Variants in CSNK2A2IP observed in about 807,000 individuals in gnomAD.
CSNK2A2IP encodes the protein casein kinase II subunit alpha'-interacting protein.
At chr3:88,462,964 T>C in the CSNK2A2IP span, among the ~76,000 whole-genome samples, 1 of 152,150 alleles carries the variant, frequency 6.6e-6, no homozygotes, top group African/African-American at 2.4e-5. Flanking sequence ...GATGTAAGGC[T>C]TGAAAAACAA....
chr3:88,356,138 G>A, the CSNK2A2IP span, among the ~76,000 whole-genome samples: 1 of 151,896 alleles, frequency 6.6e-6, no homozygotes, highest in African/African-American at 2.4e-5. Flanking sequence ...TATACAATAA[G>A]TTATTGTTTA....
the CSNK2A2IP span, among the ~76,000 whole-genome samples, chr3:88,437,026 G>A: frequency 6.6e-6 from 1 of 152,006 alleles, no homozygotes; most frequent in Admixed American, 6.6e-5. Flanking sequence ...ATAAAGTCCA[G>A]TATGCTTGAA....
the CSNK2A2IP span, among the ~76,000 whole-genome samples, chr3:88,445,518 C>A: frequency 1.3e-5 from 2 of 152,052 alleles, no homozygotes; most frequent in African/African-American, 4.8e-5. Context: ...GGGGCAAATG[C>A]ATTTGCAGAT....
the CSNK2A2IP span, among the ~76,000 whole-genome samples, chr3:88,464,856 T>A: frequency 6.6e-6 from 1 of 152,330 alleles, no homozygotes; most frequent in Non-Finnish European, 1.5e-5. Flanking sequence ...GTTTGTTTAT[T>A]CTTTAGCCCA....
At chr3:88,418,463 T>TGTGTGTGTGTGTGTGTGCGCGCGC in the CSNK2A2IP span, among the ~76,000 whole-genome samples, 37 of 149,632 alleles carry the variant, frequency 2.5e-4, no homozygotes, top group African/African-American at 7.4e-4. Context: ...TGTGTGTGTG[T>TGTGTGTGTGTGTGTGTGCGCGCGC]GCGCGCGGGC....
chr3:88,354,986 GA>G, the CSNK2A2IP span, among the ~76,000 whole-genome samples: 1 of 152,080 alleles, frequency 6.6e-6, no homozygotes, highest in Non-Finnish European at 1.5e-5. Context: ...GGAAAAGAAA[GA>G]TAGGAACCAA....
chr3:88,382,006 T>C, the CSNK2A2IP span, among the ~76,000 whole-genome samples: 3 of 152,208 alleles, frequency 2.0e-5, no homozygotes, highest in Admixed American at 1.3e-4. Context: ...TTCTACTCAT[T>C]CCAAGGAAAG....
At chr3:88,394,609 G>A in the CSNK2A2IP span, among the ~76,000 whole-genome samples, 1 of 152,104 alleles carries the variant, frequency 6.6e-6, no homozygotes, top group East Asian at 1.9e-4. Flanking sequence ...CTTGACCTTA[G>A]GTGATCCACC....
chr3:88,437,741 G>C, the CSNK2A2IP span, among the ~76,000 whole-genome samples: 1 of 152,096 alleles, frequency 6.6e-6, no homozygotes, highest in Non-Finnish European at 1.5e-5. Context: ...GTTAAAAACA[G>C]GTGTTTTATT....
the CSNK2A2IP span, among the ~76,000 whole-genome samples, chr3:88,381,575 T>C: frequency 2.0e-5 from 3 of 152,208 alleles, no homozygotes; most frequent in African/African-American, 7.2e-5. Flanking sequence ...TGCTGTTATG[T>C]GGGAAACAGC....
chr3:88,383,600 G>A, the CSNK2A2IP span, among the ~76,000 whole-genome samples: 1 of 150,958 alleles, frequency 6.6e-6, no homozygotes, highest in African/African-American at 2.4e-5. Flanking sequence ...GCTAGATCCT[G>A]GGAATTATTC....
chr3:88,352,570 G>GATTA, the CSNK2A2IP span, among the ~76,000 whole-genome samples: 1 of 151,772 alleles, frequency 6.6e-6, no homozygotes, highest in Non-Finnish European at 1.5e-5. Context: ...TAATTTTATA[G>GATTA]ATTAATTAAT....
At chr3:88,369,296 A>G in the CSNK2A2IP span, among the ~76,000 whole-genome samples, 1 of 151,952 alleles carries the variant, frequency 6.6e-6, no homozygotes, top group Non-Finnish European at 1.5e-5. Flanking sequence ...AAGGAAAAAT[A>G]AATTTTTGGA....
the CSNK2A2IP span, among the ~76,000 whole-genome samples, chr3:88,417,706 T>C: frequency 6.6e-6 from 1 of 152,232 alleles, no homozygotes; most frequent in Non-Finnish European, 1.5e-5. Context: ...TTTGCTTCTA[T>C]TTACTGTCAA....
At chr3:88,348,482 G>A in the CSNK2A2IP span, among the ~76,000 whole-genome samples, 1 of 151,904 alleles carries the variant, frequency 6.6e-6, no homozygotes, top group African/African-American at 2.4e-5. Context: ...AGACACTATA[G>A]AAAATATATA....
At chr3:88,446,098 CTTTTTTTCTTTCTTTCTTTTT>C in the CSNK2A2IP span, among the ~76,000 whole-genome samples, 1 of 74,308 alleles carries the variant, frequency 1.3e-5, no homozygotes. Context: ...TTCTTTCTTT[CTTTTTTTCTTTCTTTCTTTTT>C]TTTCTTTCTT....
At chr3:88,427,630 C>T in the CSNK2A2IP span, among the ~76,000 whole-genome samples, 5 of 152,132 alleles carry the variant, frequency 3.3e-5, no homozygotes, top group Non-Finnish European at 5.9e-5. Flanking sequence ...CCAAAAGGGG[C>T]CAATGTACAG....
chr3:88,365,885 T>C, the CSNK2A2IP span, among the ~76,000 whole-genome samples: 1 of 152,144 alleles, frequency 6.6e-6, no homozygotes, highest in Admixed American at 6.5e-5. Context: ...TGTAATACCA[T>C]TTTAACTCAG....
the CSNK2A2IP span, among the ~76,000 whole-genome samples, chr3:88,393,939 T>C: frequency 1.3e-5 from 2 of 151,916 alleles, no homozygotes. Context: ...TGAGCAAGGG[T>C]AATGGTCTGA....
Sources: allele counts gnomAD v4.1 joint callset (sites outside exome capture counted in the v4.1 genomes callset), GRCh38; gene constraint gnomAD v4.1.1; transcripts MANE v1.5; gene names NCBI Gene and HGNC (gene_info 2026-07-23, HGNC 2026-07-21).